Variants in THSD7A observed in about 807,000 individuals in gnomAD.
The protein encoded by THSD7A is thrombospondin type-1 domain-containing protein 7A.
In THSD7A, 96 loss-of-function variants were observed where a neutral mutation model predicts 231.3. The ratio of observed to expected loss-of-function variants is 0.41; its 90% CI spans 0.35 to 0.49. The LOEUF is 0.49. Among genes scored for constraint, THSD7A ranks in the 20% least tolerant of loss-of-function variants. The pLI is 0.05. For synonymous variants in THSD7A, 940 were observed against 743.3 expected (o/e 1.26, Z -4.30); for missense variants, 2,290 against 2,070.2 (o/e 1.11, Z -2.06).
intron 8 of THSD7A, among the ~76,000 whole-genome samples, chr7:11,472,180 G>T (rs1424003272): frequency 6.6e-6 from 1 of 152,112 alleles, no homozygotes; most frequent in Non-Finnish European, 1.5e-5. Flanking sequence ...AATTGGTTCA[G>T]TCAGCAGGCT....
At chr7:11,734,971 A>G (rs1031726263) in intron 1 of THSD7A, among the ~76,000 whole-genome samples, 4 of 151,972 alleles carry the variant, frequency 2.6e-5, no homozygotes, top group African/African-American at 9.7e-5. Context: ...GACTGTACTT[A>G]TGGGACTTGC....
At chr7:11,383,897 A>T (rs912286718) in intron 23 of THSD7A, 2 of 151,984 alleles carry the variant, frequency 1.3e-5, no homozygotes, top group African/African-American at 2.4e-5. Flanking sequence ...CCTCTTTGCA[A>T]CTACAATCTG....
At chr7:11,820,784 G>A (rs1784851822) in intron 1 of THSD7A, 7 of 1,200,404 alleles carry the variant, frequency 5.8e-6, no homozygotes, top group South Asian at 1.2e-5. Flanking sequence ...GGAGGAAGAG[G>A]AGGAGGATCT....
In THSD7A at chr7:11,469,862, A is replaced by C; in HGVS notation, c.2368+17T>G. ...GGTTTTCTAGGTGAACAGCCTTCCT[A>C]ACTCTGCAGACCATACCTTCTTTAC... On this transcript the variant is annotated intron_variant, in intron 9 of 27. Transcript: ENST00000423059. 6.5e-7 allele frequency: 1 copy of C among 1,543,686 alleles called. No homozygotes were observed. Among genetic ancestry groups the C allele is most frequent in the Non-Finnish European group, 8.9e-7 (1 of 1,129,702 alleles).
chr7:11,763,254 T>C (rs140478630), intron 1 of THSD7A, among the ~76,000 whole-genome samples: 59 of 152,316 alleles, frequency 3.9e-4, no homozygotes, highest in East Asian at 1.4e-3. Flanking sequence ...TGCTGCTTCC[T>C]CCACCTGGGA....
At chr7:11,752,009 G>T (rs916441692) in intron 1 of THSD7A, among the ~76,000 whole-genome samples, 1 of 152,106 alleles carries the variant, frequency 6.6e-6, no homozygotes, top group African/African-American at 2.4e-5. Flanking sequence ...GCAGGGTGGG[G>T]AGCAGCTCCT....
intron 6 of THSD7A, among the ~76,000 whole-genome samples, chr7:11,536,181 G>A (rs1372176656): frequency 6.6e-6 from 1 of 152,136 alleles, no homozygotes; most frequent in Middle Eastern, 3.2e-3. Flanking sequence ...GGGAATCCAG[G>A]AACCTCCTAA....
intron 23 of THSD7A, among the ~76,000 whole-genome samples, chr7:11,399,200 G>A (rs1783305986): frequency 6.6e-6 from 1 of 152,280 alleles, no homozygotes; most frequent in East Asian, 1.9e-4. Context: ...ATGTGAGTAT[G>A]TATTTCATAG....
chr7:11,658,784 T>C (rs946491333), intron 1 of THSD7A, among the ~76,000 whole-genome samples: 2 of 151,728 alleles, frequency 1.3e-5, no homozygotes, highest in Non-Finnish European at 3.0e-5. Context: ...AGGCTACTAG[T>C]GTGGGAATTC....
intron 26 of THSD7A, 68 bp from the exon 27 acceptor site, chr7:11,376,725 G>C (rs1250008717): frequency 8.3e-7 from 1 of 1,211,798 alleles, no homozygotes; most frequent in African/African-American, 1.5e-5. Flanking sequence ...CTTTAACTAT[G>C]ACCAATGATC....
chr7:11,622,808 A>AT (rs1240516320), intron 2 of THSD7A, among the ~76,000 whole-genome samples: 1 of 152,150 alleles, frequency 6.6e-6, no homozygotes, highest in East Asian at 1.9e-4. Flanking sequence ...TATATGAATT[A>AT]TTTTTTTAAA....
At chr7:11,587,492 T>C (rs1489928161) in intron 4 of THSD7A, among the ~76,000 whole-genome samples, 7 of 152,176 alleles carry the variant, frequency 4.6e-5, no homozygotes, top group Admixed American at 4.6e-4. Context: ...CTCTCCAATA[T>C]TGATGAGATA....
chr7:11,827,455 T>A (rs1001922136), intron 1 of THSD7A, among the ~76,000 whole-genome samples: 2 of 152,194 alleles, frequency 1.3e-5, no homozygotes, highest in African/African-American at 4.8e-5. Context: ...TCTAAACTTT[T>A]AAAATACTTT....
At chr7:11,532,915 A>G (rs922081998) in intron 6 of THSD7A, among the ~76,000 whole-genome samples, 13 of 152,182 alleles carry the variant, frequency 8.5e-5, no homozygotes, top group Non-Finnish European at 1.9e-4. Flanking sequence ...GTAAAAATTA[A>G]TCTGGGATAT....
intron 1 of THSD7A, among the ~76,000 whole-genome samples, chr7:11,777,700 G>T (rs1463810004): frequency 2.0e-5 from 3 of 152,126 alleles, no homozygotes; most frequent in African/African-American, 7.2e-5. Context: ...AGAGGAAGGC[G>T]TTGGAGAAAT....
intron 11 of THSD7A, among the ~76,000 whole-genome samples, chr7:11,456,752 G>A (rs563421237): frequency 6.6e-6 from 1 of 151,940 alleles, no homozygotes; most frequent in Non-Finnish European, 1.5e-5. Context: ...GTAAAAAAAT[G>A]GCTGTGGCTG....
chr7:11,720,308 A>G (rs1702943458), intron 1 of THSD7A, among the ~76,000 whole-genome samples: 1 of 151,756 alleles, frequency 6.6e-6, no homozygotes, highest in Non-Finnish European at 1.5e-5. Context: ...AACCCATCAG[A>G]TGGGAATCTC....
chr7:11,585,895 T>C (rs1254061149), intron 4 of THSD7A, among the ~76,000 whole-genome samples: 1 of 152,074 alleles, frequency 6.6e-6, no homozygotes, highest in Non-Finnish European at 1.5e-5. Flanking sequence ...GGGAGGAACA[T>C]GCAGACTCCA....
At chr7:11,767,642 G>A (rs914472405) in intron 1 of THSD7A, among the ~76,000 whole-genome samples, 10 of 152,222 alleles carry the variant, frequency 6.6e-5, no homozygotes, top group Admixed American at 5.9e-4. Context: ...CCCAAAGTAA[G>A]TTCCAACAGG....
Sources: allele counts gnomAD v4.1 joint callset (sites outside exome capture counted in the v4.1 genomes callset), GRCh38; gene constraint gnomAD v4.1.1; transcripts MANE v1.5; gene names NCBI Gene and HGNC (gene_info 2026-07-23, HGNC 2026-07-21).